Variants in USP40 observed in about 807,000 individuals in gnomAD.
USP40 encodes ubiquitin carboxyl-terminal hydrolase 40.
A neutral mutation model predicts 166.2 loss-of-function variants in USP40; 143 were observed. The observed-to-expected ratio is 0.86, with a 90% CI of 0.75 to 0.99. USP40 has a LOEUF of 0.99. Among genes scored for constraint, USP40 ranks in the 50% least tolerant of loss-of-function variants. USP40 has a pLI of 0.00. For synonymous variants in USP40, 498 were observed against 524.0 expected (o/e 0.95, Z 0.68); for missense variants, 1,444 against 1,479.7 (o/e 0.98, Z 0.40).
At chr2:233,478,667 C>T (rs547765010) in intron 31 of USP40, among the ~76,000 whole-genome samples, 3 of 152,270 alleles carry the variant, frequency 2.0e-5, no homozygotes, top group South Asian at 2.1e-4. Flanking sequence ...GACAGATTGG[C>T]GACAGCCTGG....
chr2:233,488,215 C>T lies in USP40; in HGVS notation c.3197+24G>A, dbSNP rs781274251. The T allele has an allele frequency of 2.6e-5, 41 of 1,588,630 alleles. No homozygotes were observed. In the South Asian group the frequency reaches 4.6e-4, roughly 18 times the overall value. ...AGGTTAAGATACGTGTGTGTCACTT[C>T]AGATGCACAGGAGAATTTCTTACCC... On this transcript the variant is annotated intron_variant, in intron 28 of 31. Transcript: ENST00000678225.
At position 233,475,947 on chromosome 2, in the gene USP40, G is replaced by A. The variant is rs571852785; in HGVS notation, c.*1445C>T. 1 of 152,546 alleles carries A rather than the reference G, an allele frequency of 6.6e-6. No individual in the cohort carries two copies. The highest frequency in any genetic ancestry group is 1.9e-4 in the East Asian group (1 of 5,328). The allele number at this position is 152,546 out of a possible 1,614,324, so 9.4% of individuals were successfully genotyped here. The stretch of plus-strand genomic sequence containing the variant: ...TCTGCAAAGACGCAGTCTACACCCA[G>A]TGCGAGTCTCCTGAGCGGGGTTAGT... On this transcript the variant is annotated 3_prime_UTR_variant, in exon 32 of 32. Transcript: ENST00000678225.
chr2:233,547,294 A>G (rs1419268353), intron 8 of USP40, among the ~76,000 whole-genome samples: 1 of 152,216 alleles, frequency 6.6e-6, no homozygotes. Flanking sequence ...GGCATAGATC[A>G]TCTCCCTGGT....
At position 233,549,235 on chromosome 2, in the gene USP40, A is replaced by G. The variant is rs1575332706; in HGVS notation, c.838-6T>C. On this transcript the variant is annotated splice_polypyrimidine_tract_variant and splice_region_variant and intron_variant, in intron 7 of 31. Coordinates refer to ENST00000678225, the MANE Select transcript of USP40 (RefSeq NM_001365479.2). ...TCTAAGTCATCCAATTCACTCTAAA[A>G]GAAAAAAGAACAAAAATATTGATAT... 7.3e-7 allele frequency: 1 copy of G among 1,364,828 alleles called. No individual in the cohort carries two copies. The highest frequency in any genetic ancestry group is 9.9e-7 in the Non-Finnish European group (1 of 1,005,348). The allele number at this position is 1,364,828 out of a possible 1,614,324, so 84.5% of individuals were successfully genotyped here. A position where few individuals can be genotyped will look rare whatever the true frequency, so the allele number is the denominator to read the frequency against.
chr2:233,560,826 C>T (rs774609153), intron 3 of USP40: 20 of 526,608 alleles, frequency 3.8e-5, no homozygotes, highest in Non-Finnish European at 5.8e-5. Flanking sequence ...GTGGAGAGGT[C>T]GGTATTGTTG....
chr2:233,516,486 A>G (rs993534782), intron 18 of USP40, among the ~76,000 whole-genome samples: 35 of 152,160 alleles, frequency 2.3e-4, no homozygotes, highest in African/African-American at 8.5e-4. Context: ...TCACGAGGTC[A>G]GCAGATCAAG....
At chr2:233,540,580 C>T (rs2069309807) in intron 10 of USP40, 82 bp downstream of exon 10, 1 of 795,678 alleles carries the variant, frequency 1.3e-6, no homozygotes, top group South Asian at 2.0e-5. Flanking sequence ...TTTAAATATC[C>T]TTCTGCAAAG....
chr2:233,510,992 G>A (rs1008253436), intron 20 of USP40, among the ~76,000 whole-genome samples: 5 of 152,076 alleles, frequency 3.3e-5, no homozygotes, highest in Non-Finnish European at 5.9e-5. Flanking sequence ...TATTTGCTAC[G>A]GTTCAGGGGA....
chr2:233,533,822 A>T (rs2068735456), intron 10 of USP40, 43 bp from the exon 11 acceptor site: 1 of 1,467,496 alleles, frequency 6.8e-7, no homozygotes, highest in African/African-American at 1.4e-5. Flanking sequence ...AATTATTTAA[A>T]CAAAAATTAG....
At chr2:233,510,220 G>T in intron 20 of USP40, 85 bp from the exon 21 acceptor site, 1 of 1,002,678 alleles carries the variant, frequency 1.0e-6, no homozygotes, top group South Asian at 1.6e-5. Context: ...AAAATGTAAA[G>T]CCAAGGGCCC....
chr2:233,496,916 T>C, intron 23 of USP40, 84 bp from the exon 24 acceptor site: 1 of 970,616 alleles, frequency 1.0e-6, no homozygotes, highest in Non-Finnish European at 1.6e-6. Context: ...CATGCCTCTA[T>C]TATCTTTTCA....
rs1330423908 is a variant in USP40, at chr2:233,494,928, A to T, written c.2791-1377T>A. ...CAAGCAAAATGGCATATATATATATATATATATATATATATATATATATAT... is the reference window on the plus strand; with the variant it reads ...CAAGCAAAATGGCATATATATATATTTATATATATATATATATATATATAT... On this transcript the variant is annotated intron_variant, in intron 24 of 31. Coordinates refer to ENST00000678225, the MANE Select transcript of USP40 (RefSeq NM_001365479.2). Among the ~76,000 whole-genome samples, 262 of 35,134 alleles carry T rather than the reference A, an allele frequency of 7.5e-3. 7 individuals are homozygous for T. Among genetic ancestry groups the T allele is most frequent in the African/African-American group, 0.044 (252 of 5,746 alleles). The allele number at this position is 35,134 out of a possible 152,430, so 23.0% of individuals were successfully genotyped here. A position where few individuals can be genotyped will look rare whatever the true frequency, so the allele number is the denominator to read the frequency against.
At chr2:233,516,294 C>T (rs1158395345) in intron 18 of USP40, among the ~76,000 whole-genome samples, 1 of 152,076 alleles carries the variant, frequency 6.6e-6, no homozygotes, top group Non-Finnish European at 1.5e-5. Flanking sequence ...TTTGTATTTC[C>T]ATGAAAATTG....
intron 18 of USP40, among the ~76,000 whole-genome samples, chr2:233,518,220 TA>T (rs1336449145): frequency 2.4e-5 from 3 of 125,984 alleles, no homozygotes; most frequent in African/African-American, 9.1e-5. Flanking sequence ...TTTTTTTTTT[TA>T]AAAGTCAAAA....
chr2:233,525,872 A>T (rs2067988371), intron 13 of USP40, among the ~76,000 whole-genome samples: 1 of 152,234 alleles, frequency 6.6e-6, no homozygotes, highest in Admixed American at 6.5e-5. Flanking sequence ...GTTGATGAGC[A>T]TGTCAGCCTA....
At chr2:233,514,728 T>C (rs1157056869) in intron 18 of USP40, among the ~76,000 whole-genome samples, 1 of 152,198 alleles carries the variant, frequency 6.6e-6, no homozygotes, top group Non-Finnish European at 1.5e-5. Flanking sequence ...CAGCAAACTA[T>C]GCATTTAATA....
chr2:233,498,475 G>T, intron 23 of USP40, 73 bp downstream of exon 23: 1 of 1,346,730 alleles, frequency 7.4e-7, no homozygotes, highest in Non-Finnish European at 1.0e-6. Flanking sequence ...CTCATGAGTG[G>T]AATGGGTACC....
At chr2:233,479,537 T>TG (rs1326159594) in intron 31 of USP40, among the ~76,000 whole-genome samples, 1 of 147,870 alleles carries the variant, frequency 6.8e-6, no homozygotes, top group African/African-American at 2.6e-5. Flanking sequence ...CACTCCAGCC[T>TG]GGCGACAAGG....
At chr2:233,481,629 CTCA>C (rs1010746990) in intron 30 of USP40, 108 of 307,380 alleles carry the variant, frequency 3.5e-4, no homozygotes, top group African/African-American at 2.1e-3. Flanking sequence ...ACACGGATCT[CTCA>C]TCGCCGCGCC....
Sources: allele counts gnomAD v4.1 joint callset (sites outside exome capture counted in the v4.1 genomes callset), GRCh38; gene constraint gnomAD v4.1.1; transcripts MANE v1.5; gene names NCBI Gene and HGNC (gene_info 2026-07-23, HGNC 2026-07-21).